The following STAT4 variants were observed in gnomAD, a reference collection of about 807,000 sequenced individuals.
STAT4 encodes signal transducer and activator of transcription 4.
Under a neutral mutation model 110.5 loss-of-function variants are expected in STAT4, and 42 were observed. That is an observed-to-expected ratio of 0.38 (90% confidence interval 0.30 to 0.49). The LOEUF (loss-of-function observed/expected upper bound fraction) is 0.49, where lower values mean the gene tolerates loss of function less well. Ranked by LOEUF, STAT4 falls within the 20% of genes least tolerant of loss-of-function variation. The probability of loss-of-function intolerance (pLI) is 0.95; values close to 1 mark genes in which losing one functional copy is unlikely to be tolerated. For missense variants in STAT4, 632 were observed against 887.9 expected, an observed-to-expected ratio of 0.71 and a Z score of 3.66; for synonymous variants, 284 against 302.2, an observed-to-expected ratio of 0.94 and a Z score of 0.63.
chr2:191,128,887 T>C (rs1325377495), intron 3 of STAT4, among the ~76,000 whole-genome samples: 1 of 152,222 alleles, frequency 6.6e-6, no homozygotes, highest in East Asian at 1.9e-4. Flanking sequence ...TCCCTCTACT[T>C]TCCTAACACT....
chr2:191,041,773 AAAG>A (rs1163756150), intron 14 of STAT4: 1 of 152,322 alleles, frequency 6.6e-6, no homozygotes, highest in Non-Finnish European at 1.5e-5. Flanking sequence ...AGGCTGCAGA[AAAG>A]AAGACTGCAG....
intron 13 of STAT4, among the ~76,000 whole-genome samples, 167 bp from the exon 14 acceptor site, chr2:191,054,701 G>A (rs529739097): frequency 3.3e-5 from 5 of 152,344 alleles, no homozygotes; most frequent in African/African-American, 1.2e-4. Context: ...ATTTGACAGA[G>A]AGGAGTTTCC....
intron 4 of STAT4, among the ~76,000 whole-genome samples, chr2:191,075,109 G>A (rs1056796846): frequency 2.6e-5 from 4 of 151,914 alleles, no homozygotes; most frequent in Non-Finnish European, 4.4e-5. Context: ...GCAGTGAGCC[G>A]AGATCACGCC....
chr2:191,092,926 A>T (rs959670550), intron 3 of STAT4, among the ~76,000 whole-genome samples: 1 of 152,146 alleles, frequency 6.6e-6, no homozygotes, highest in Non-Finnish European at 1.5e-5. Flanking sequence ...TCCCATGCCC[A>T]TGGAGCCTTG....
rs2125160195 is a variant in STAT4, at chr2:191,039,568, AT to A, written c.1336-272del. Among the ~76,000 whole-genome samples the A allele has an allele frequency of 6.6e-6, 1 of 152,326 alleles. No homozygotes were observed. Among genetic ancestry groups the A allele is most frequent in the East Asian group, 1.9e-4 (1 of 5,192 alleles). On this transcript the variant is annotated intron_variant, in intron 15 of 23. Coordinates refer to ENST00000392320, the MANE Select transcript of STAT4 (RefSeq NM_003151.4). The surrounding 1 kb of genome is among the most constrained non-coding windows in gnomAD (Gnocchi z 4.7). ...GTATCTCCCCTGACATTGCGGACAC[AT>A]TTATACTTTTTAAATGTCACCCACT...
At position 191,062,567 on chromosome 2, in the gene STAT4, G is replaced by C. The variant is rs1431028975; in HGVS notation, c.941+195C>G. 6.6e-6 allele frequency among the ~76,000 whole-genome samples: 1 copy of C among 152,172 alleles called. No individual in the cohort carries two copies. The highest frequency in any genetic ancestry group is 6.5e-5 in the Admixed American group (1 of 15,280). On this transcript the variant is annotated intron_variant, in intron 9 of 23. Coordinates refer to ENST00000392320, the MANE Select transcript of STAT4 (RefSeq NM_003151.4). The surrounding 1 kb of genome is among the most constrained non-coding windows in gnomAD (Gnocchi z 4.9). ...TAGCTTGTGGAAAACTGAGCCAGTT[G>C]GTGAGAGAAGTGTTGATGAATAAAT...
chr2:191,088,887 AGT>A (rs1019776008), intron 3 of STAT4, among the ~76,000 whole-genome samples: 1 of 152,244 alleles, frequency 6.6e-6, no homozygotes, highest in Non-Finnish European at 1.5e-5. Context: ...ATATGCAAAA[AGT>A]GAATCTAGAC....
Position 191,061,666 on chromosome 2 carries a change from C to T in STAT4, c.1034+63G>A. 6.7e-7 allele frequency: 1 copy of T among 1,483,884 alleles called. No individual in the cohort carries two copies. Among genetic ancestry groups the T allele is most frequent in the Non-Finnish European group, 9.4e-7 (1 of 1,062,550 alleles). The allele number at this position is 1,483,884 out of a possible 1,614,324, so 91.9% of individuals were successfully genotyped here. On this transcript the variant is annotated intron_variant, in intron 10 of 23. Coordinates refer to ENST00000392320, the MANE Select transcript of STAT4 (RefSeq NM_003151.4). This position sits in a 1 kb window ranked among gnomAD's most constrained non-coding sequence, Gnocchi z 6.2. ...GCAAGCCACAATGAGAGAAATTGGCCTTGATCATCCAGAGACTATAGCTCC... is the reference window on the plus strand; with the variant it reads ...GCAAGCCACAATGAGAGAAATTGGCTTTGATCATCCAGAGACTATAGCTCC...
In STAT4 at chr2:191,078,490, A is replaced by G. The variant is rs550089606; in HGVS notation, c.274-2165T>C. On this transcript the variant is annotated intron_variant, in intron 3 of 23. Coordinates refer to ENST00000392320, the MANE Select transcript of STAT4 (RefSeq NM_003151.4). ...TCACTTTCCTTTTGCATTTTTCCTAAGTCCCTCACTTAAATGTATGAACAA... is the reference window on the plus strand; with the variant it reads ...TCACTTTCCTTTTGCATTTTTCCTAGGTCCCTCACTTAAATGTATGAACAA... 6.6e-5 allele frequency among the ~76,000 whole-genome samples: 10 copies of G among 152,230 alleles called. No individual in the cohort carries two copies. In the East Asian group the frequency reaches 1.9e-3, roughly 29 times the overall value.
chr2:191,040,408 T>C (rs1404006485), intron 15 of STAT4, among the ~76,000 whole-genome samples: 2 of 152,164 alleles, frequency 1.3e-5, no homozygotes, highest in African/African-American at 2.4e-5. Context: ...CTACATGACA[T>C]AAGCTCAAGG....
At chr2:191,069,204 C>T (rs140251524) in intron 6 of STAT4, among the ~76,000 whole-genome samples, 91 of 151,908 alleles carry the variant, frequency 6.0e-4, no homozygotes, top group African/African-American at 1.2e-3. Context: ...TGCGATTTCA[C>T]GAGATTTTTA....
At chr2:191,124,039 C>G (rs543761636) in intron 3 of STAT4, among the ~76,000 whole-genome samples, 1 of 152,226 alleles carries the variant, frequency 6.6e-6, no homozygotes, top group Admixed American at 6.5e-5. Context: ...ATCTAAATTG[C>G]TCTTATGAAC....
At chr2:191,064,735 C>A in intron 8 of STAT4, 72 bp downstream of exon 8, 2 of 1,540,762 alleles carry the variant, frequency 1.3e-6, no homozygotes, top group South Asian at 1.3e-5. Flanking sequence ...AACCTGCGTT[C>A]TCTGGCTGAG....
At position 191,143,070 on chromosome 2, in the gene STAT4, G is replaced by C. The variant is rs1436338712; in HGVS notation, c.273+3543C>G. On this transcript the variant is annotated intron_variant, in intron 3 of 23. Transcript: ENST00000392320. This position sits in a 1 kb window ranked among gnomAD's most constrained non-coding sequence, Gnocchi z 5.6. ...TGAATAATAGGTGAAACTGGGATGTGGAGCTGGGAAGGAAGTATATGAGAA... is the reference window on the plus strand; with the variant it reads ...TGAATAATAGGTGAAACTGGGATGTCGAGCTGGGAAGGAAGTATATGAGAA... Among the ~76,000 whole-genome samples the C allele has an allele frequency of 6.6e-6, 1 of 152,110 alleles. No individual in the cohort carries two copies. The highest frequency in any genetic ancestry group is 2.4e-5 in the African/African-American group (1 of 41,430).
intron 3 of STAT4, among the ~76,000 whole-genome samples, chr2:191,093,649 CT>C (rs1179095595): frequency 6.6e-6 from 1 of 152,174 alleles, no homozygotes; most frequent in Admixed American, 6.5e-5. Flanking sequence ...AGCAGAAAAG[CT>C]GAGAATTCTA....
chr2:191,080,658 C>G (rs1278517937), intron 3 of STAT4, among the ~76,000 whole-genome samples: 1 of 152,090 alleles, frequency 6.6e-6, no homozygotes, highest in African/African-American at 2.4e-5. Context: ...TCATGATAAA[C>G]AACCACATCA....
chr2:191,140,828 GA>G lies in STAT4; in HGVS notation c.273+5784del, dbSNP rs1299843763. On this transcript the variant is annotated intron_variant, in intron 3 of 23. Transcript: ENST00000392320. The surrounding 1 kb of genome is among the most constrained non-coding windows in gnomAD (Gnocchi z 4.4). ...TACAATTCACAATTGCAAAGATAAG[GA>G]ACCAACCTAAGTGTCCATCAACCAA... is the stretch of plus-strand genomic sequence containing the variant. Among the ~76,000 whole-genome samples the G allele has an allele frequency of 2.0e-5, 3 of 152,142 alleles. No individual in the cohort carries two copies. The highest frequency in any genetic ancestry group is 7.2e-5 in the African/African-American group (3 of 41,430).
chr2:191,128,118 T>C (rs1698932211), intron 3 of STAT4, among the ~76,000 whole-genome samples: 1 of 152,254 alleles, frequency 6.6e-6, no homozygotes. Flanking sequence ...AATATGAGTG[T>C]TATGATATTG....
Position 191,138,070 on chromosome 2 carries a change from C to A in STAT4, c.273+8543G>T, listed in dbSNP as rs1446409079. On this transcript the variant is annotated intron_variant, in intron 3 of 23. Coordinates refer to ENST00000392320, the MANE Select transcript of STAT4 (RefSeq NM_003151.4). The surrounding 1 kb of genome is among the most constrained non-coding windows in gnomAD (Gnocchi z 4.3). Reference sequence around the variant, plus strand: ...GGAAACAATCAGCAGAGTGAAGAGACAATCTGCTGAATGGGAGAAAATATT... The same window carrying A: ...GGAAACAATCAGCAGAGTGAAGAGAAAATCTGCTGAATGGGAGAAAATATT... Among the ~76,000 whole-genome samples the A allele has an allele frequency of 2.0e-5, 3 of 152,102 alleles. No individual in the cohort carries two copies. Among genetic ancestry groups the A allele is most frequent in the South Asian group, 4.1e-4 (2 of 4,824 alleles).
Sources: gnomAD v4.1 joint callset for allele counts (sites outside exome capture counted in the v4.1 genomes callset) on GRCh38, gnomAD v4.1.1 for gene constraint, Gnocchi (gnomAD v3.1) non-coding constraint, MANE v1.5 for transcripts, NCBI Gene and HGNC (gene_info 2026-07-23, HGNC 2026-07-21) for gene names.